Variants in CTNNBL1 observed in about 807,000 individuals in gnomAD.
CTNNBL1 encodes catenin beta like 1.
CTNNBL1 carries 31 observed loss-of-function variants against 72.7 expected under a neutral mutation model. That is an observed-to-expected ratio of 0.43 (90% CI 0.32 to 0.58). The LOEUF (loss-of-function observed/expected upper bound fraction) is 0.58, where lower values mean the gene tolerates loss of function less well. CTNNBL1 is among the 20% of genes least tolerant of loss of function. The pLI is 0.08. For synonymous variants in CTNNBL1, 240 were observed against 267.3 expected, an observed-to-expected ratio of 0.90 and a Z score of 1.00; for missense variants, 534 against 725.1, an observed-to-expected ratio of 0.74 and a Z score of 3.03.
At chr20:37,749,560 A>G (rs1215126014) in intron 4 of CTNNBL1, among the ~76,000 whole-genome samples, 1 of 151,746 alleles carries the variant, frequency 6.6e-6, no homozygotes, top group Admixed American at 6.6e-5. Context: ...TTCCTCTTGT[A>G]TGCCAACCTG....
intron 1 of CTNNBL1, among the ~76,000 whole-genome samples, chr20:37,695,532 C>T (rs1273372596): frequency 6.6e-6 from 1 of 152,184 alleles, no homozygotes. Flanking sequence ...ATTTTAACTG[C>T]CCCTCTTGAC....
intron 13 of CTNNBL1, among the ~76,000 whole-genome samples, chr20:37,856,048 C>T (rs1386920691): frequency 6.6e-6 from 1 of 152,060 alleles, no homozygotes; most frequent in African/African-American, 2.4e-5. Context: ...ACCAGCCTGG[C>T]CAACATGGTG....
intron 11 of CTNNBL1, among the ~76,000 whole-genome samples, chr20:37,822,437 G>A (rs1184042713): frequency 6.6e-6 from 1 of 152,236 alleles, no homozygotes; most frequent in African/African-American, 2.4e-5. Flanking sequence ...GGATTCCATA[G>A]TGGCAGACAA....
In CTNNBL1 at chr20:37,737,571, G is replaced by C. The variant is rs6020575; in HGVS notation, c.326+87G>C. The C allele has an allele frequency of 1.8e-5, 16 of 867,636 alleles. No homozygotes were observed. The African/African-American group carries it at 2.2e-4, about 12-fold the overall frequency. The allele number at this position is 867,636 out of a possible 1,614,324, so 53.7% of individuals were successfully genotyped here. On this transcript the variant is annotated intron_variant, in intron 3 of 15. Coordinates refer to ENST00000361383, the MANE Select transcript of CTNNBL1 (RefSeq NM_030877.5). Reference sequence around the variant, plus strand: ...TTGATTTTGGTTTGTTTTGGCTTTTGTGATTTGGGCCAGGAATCCCAGGAT... The same window carrying C: ...TTGATTTTGGTTTGTTTTGGCTTTTCTGATTTGGGCCAGGAATCCCAGGAT...
chr20:37,709,587 C>A (rs2072920049), intron 1 of CTNNBL1, among the ~76,000 whole-genome samples: 1 of 152,154 alleles, frequency 6.6e-6, no homozygotes, highest in Non-Finnish European at 1.5e-5. Context: ...ATGGGGGAAA[C>A]TTTTGAGCAT....
At chr20:37,806,492 T>G (rs1288856895) in intron 11 of CTNNBL1, among the ~76,000 whole-genome samples, 2 of 152,180 alleles carry the variant, frequency 1.3e-5, no homozygotes, top group Non-Finnish European at 2.9e-5. Context: ...AAGGGCAGGT[T>G]GGGTTTTAGG....
intron 10 of CTNNBL1, among the ~76,000 whole-genome samples, chr20:37,796,235 C>T (rs2073772842): frequency 6.6e-6 from 1 of 152,128 alleles, no homozygotes; most frequent in South Asian, 2.1e-4. Flanking sequence ...TCCTCACATG[C>T]TTGCGCTTGT....
chr20:37,750,772 G>C (rs1447655941), intron 4 of CTNNBL1: 2 of 151,968 alleles, frequency 1.3e-5, no homozygotes, highest in Non-Finnish European at 2.9e-5. Context: ...TTATTTACTG[G>C]GTTCTTCCTT....
chr20:37,815,076 AGTGTGTGTGT>A (rs11474436), intron 11 of CTNNBL1, among the ~76,000 whole-genome samples: 3 of 147,392 alleles, frequency 2.0e-5, no homozygotes, highest in South Asian at 2.2e-4. Context: ...GGACTCTGTG[AGTGTGTGTGT>A]GTGTGTGTGT....
chr20:37,763,124 G>A lies in CTNNBL1; in HGVS notation c.565-2073G>A, dbSNP rs149395319. On this transcript the variant is annotated intron_variant, in intron 5 of 15. Transcript: ENST00000361383. ...GCAGTGTGATACCCAGTGGAGTGGCGGTGTCTGCTGCTTTAGGATTCAGGG... is the reference window on the plus strand; with the variant it reads ...GCAGTGTGATACCCAGTGGAGTGGCAGTGTCTGCTGCTTTAGGATTCAGGG... 4.2e-3 allele frequency among the ~76,000 whole-genome samples: 644 copies of A among 152,292 alleles called. 5 individuals are homozygous for A. The highest frequency in any genetic ancestry group is 0.013 in the African/African-American group (531 of 41,564).
At chr20:37,700,703 C>A (rs1210248311) in intron 1 of CTNNBL1, among the ~76,000 whole-genome samples, 1 of 152,156 alleles carries the variant, frequency 6.6e-6, no homozygotes, top group South Asian at 2.1e-4. Context: ...TATATGAACT[C>A]CAGGGCACTC....
chr20:37,780,169 GA>G (rs888858192), intron 10 of CTNNBL1, among the ~76,000 whole-genome samples: 1 of 149,436 alleles, frequency 6.7e-6, no homozygotes, highest in African/African-American at 2.5e-5. Flanking sequence ...AAAAAAACAA[GA>G]AAAAAAGAAA....
Position 37,871,914 on chromosome 20 carries a change from T to C in CTNNBL1, c.1604-11T>C. The C allele has an allele frequency of 6.2e-7, 1 of 1,611,628 alleles. No homozygotes were observed. Among genetic ancestry groups the C allele is most frequent in the African/African-American group, 1.3e-5 (1 of 74,942 alleles). On this transcript the variant is annotated splice_polypyrimidine_tract_variant and intron_variant, in intron 15 of 15. Transcript: ENST00000361383. ...TGGGATCCACTCCTGACTCTATCTT[T>C]GTCCCCCTAGAGTATGCAGAGAACA...
chr20:37,762,091 G>A (rs564346139), intron 5 of CTNNBL1, among the ~76,000 whole-genome samples: 1 of 152,178 alleles, frequency 6.6e-6, no homozygotes, highest in Non-Finnish European at 1.5e-5. Context: ...ATTTTAAACA[G>A]AGCATCTAGC....
chr20:37,827,972 G>T (rs1006203544), intron 11 of CTNNBL1, among the ~76,000 whole-genome samples: 1 of 151,984 alleles, frequency 6.6e-6, no homozygotes, highest in Non-Finnish European at 1.5e-5. Flanking sequence ...TCTTGTGTTT[G>T]GTCTGGAATG....
At chr20:37,832,041 A>G (rs1546868) in intron 11 of CTNNBL1, among the ~76,000 whole-genome samples, 124,612 of 152,240 alleles carry the variant, frequency 0.82, 51,048 homozygotes, top group Middle Eastern at 0.89. Flanking sequence ...CCACCTTAGC[A>G]CTGTCTGCAG....
chr20:37,803,242 T>A (rs2073837657), intron 11 of CTNNBL1, among the ~76,000 whole-genome samples, 194 bp downstream of exon 11: 1 of 152,204 alleles, frequency 6.6e-6, no homozygotes, highest in African/African-American at 2.4e-5. Flanking sequence ...ACCAGTTCTC[T>A]GCTTGTTTGA....
At chr20:37,758,915 A>T (rs975520864) in intron 5 of CTNNBL1, among the ~76,000 whole-genome samples, 1 of 152,066 alleles carries the variant, frequency 6.6e-6, no homozygotes, top group African/African-American at 2.4e-5. Context: ...CCACTGCTAC[A>T]CTGCCCACCC....
chr20:37,866,790 G>T (rs2072540329), intron 15 of CTNNBL1, among the ~76,000 whole-genome samples: 1 of 152,174 alleles, frequency 6.6e-6, no homozygotes. Context: ...ATGCAGTTGG[G>T]TGCCTGGGAC....
Sources: gnomAD v4.1 joint callset for allele counts (sites outside exome capture counted in the v4.1 genomes callset) on GRCh38, gnomAD v4.1.1 for gene constraint, MANE v1.5 for transcripts, NCBI Gene and HGNC (gene_info 2026-07-23, HGNC 2026-07-21) for gene names.